Variants in UBA6 observed in about 807,000 individuals in gnomAD.
UBA6 encodes the protein ubiquitin like modifier activating enzyme 6.
Under a neutral mutation model 148.3 loss-of-function variants are expected in UBA6, and 87 were observed. That is an observed-to-expected ratio of 0.59 (90% CI 0.49 to 0.70). The LOEUF is 0.70. Ranked by LOEUF, UBA6 falls within the 30% of genes least tolerant of loss-of-function variation. UBA6 has a pLI of 0.00. For missense variants in UBA6, 1,186 were observed against 1,241.2 expected, an observed-to-expected ratio of 0.96 and a Z score of 0.67; for synonymous variants, 376 against 401.0, an observed-to-expected ratio of 0.94 and a Z score of 0.75.
chr4:67,650,105 T>A lies in UBA6; in HGVS notation c.1105-894A>T, dbSNP rs193047674. 6.2e-4 allele frequency among the ~76,000 whole-genome samples: 95 copies of A among 152,266 alleles called. 5 individuals carry two copies. In the East Asian group the frequency reaches 7.9e-3, roughly 13 times the overall value. ...GAGCACTAGCCTCAACCAAGATCAA[T>A]TACAATTTAAATTCTGCAATTTTTG... On this transcript the variant is annotated intron_variant, in intron 13 of 32. Coordinates refer to ENST00000322244, the MANE Select transcript of UBA6 (RefSeq NM_018227.6).
intron 19 of UBA6, 51 bp from the exon 20 acceptor site, chr4:67,635,609 T>G (rs1444225911): frequency 1.8e-6 from 2 of 1,125,592 alleles, no homozygotes; most frequent in South Asian, 2.5e-5. Context: ...AATAACAATG[T>G]AACCAAAGGA....
chr4:67,650,480 A>G (rs1729527449), intron 13 of UBA6, among the ~76,000 whole-genome samples: 1 of 152,176 alleles, frequency 6.6e-6, no homozygotes, highest in East Asian at 1.9e-4. Flanking sequence ...CATAGGATAA[A>G]GACGGCAGCC....
At chr4:67,631,453 G>A (rs541946421) in intron 25 of UBA6, among the ~76,000 whole-genome samples, 5 of 152,226 alleles carry the variant, frequency 3.3e-5, no homozygotes, top group African/African-American at 1.2e-4. Context: ...TAAAAAAGGT[G>A]ATTTTGGTTT....
At position 67,682,113 on chromosome 4, in the gene UBA6, G is replaced by T; in HGVS notation, c.229+6C>A. On this transcript the variant is annotated splice_donor_region_variant and intron_variant, in intron 3 of 32. Transcript: ENST00000322244. ...GTCAAAAATTAGGAATATAAATATTGCTTACCAATTTCCAAACCAAGACCA... is the reference window on the plus strand; with the variant it reads ...GTCAAAAATTAGGAATATAAATATTTCTTACCAATTTCCAAACCAAGACCA... 3 of 1,606,702 alleles carry T rather than the reference G, an allele frequency of 1.9e-6. No homozygotes were observed. The highest frequency in any genetic ancestry group is 2.6e-6 in the Non-Finnish European group (3 of 1,173,606).
chr4:67,618,948 A>G lies in UBA6; in HGVS notation c.*49T>C. The G allele has an allele frequency of 3.2e-6, 5 of 1,579,192 alleles. No individual in the cohort carries two copies. Among genetic ancestry groups the G allele is most frequent in the Non-Finnish European group, 4.3e-6 (5 of 1,161,012 alleles). ...TTTCTTTAGCTTCTGAATTAAGTGCACTCTTTCCAAAATCAAGTGGTCCTG... is the reference window on the plus strand; with the variant it reads ...TTTCTTTAGCTTCTGAATTAAGTGCGCTCTTTCCAAAATCAAGTGGTCCTG... On this transcript the variant is annotated 3_prime_UTR_variant, in exon 33 of 33. Transcript: ENST00000322244.
chr4:67,634,804 AT>A (rs1444460582), intron 20 of UBA6, among the ~76,000 whole-genome samples: 1 of 152,046 alleles, frequency 6.6e-6, no homozygotes, highest in Non-Finnish European at 1.5e-5. Flanking sequence ...TCTATAAATC[AT>A]TTTTTTCCTC....
chr4:67,692,621 T>G (rs1276571166), intron 2 of UBA6, among the ~76,000 whole-genome samples: 1 of 152,118 alleles, frequency 6.6e-6, no homozygotes, highest in Non-Finnish European at 1.5e-5. Context: ...AGCAAGAACT[T>G]TTAAAGTTCT....
At chr4:67,639,288 C>T (rs935655018) in intron 18 of UBA6, among the ~76,000 whole-genome samples, 164 bp from the exon 19 acceptor site, 2 of 152,038 alleles carry the variant, frequency 1.3e-5, no homozygotes, top group Non-Finnish European at 2.9e-5. Flanking sequence ...GTAGAAATTA[C>T]ATTCACTGTA....
At chr4:67,691,811 A>G (rs1432283072) in intron 2 of UBA6, among the ~76,000 whole-genome samples, 1 of 149,620 alleles carries the variant, frequency 6.7e-6, no homozygotes, top group Non-Finnish European at 1.5e-5. Flanking sequence ...AAAAAAAAGA[A>G]AAGCCATCAT....
chr4:67,695,791 T>A (rs1730818411), intron 2 of UBA6, among the ~76,000 whole-genome samples: 1 of 152,166 alleles, frequency 6.6e-6, no homozygotes, highest in African/African-American at 2.4e-5. Flanking sequence ...TAGTCTTCTA[T>A]CTCTTTTCCC....
chr4:67,663,981 G>A lies in UBA6; in HGVS notation c.898-34C>T, dbSNP rs746599349. The A allele has an allele frequency of 2.6e-6, 4 of 1,542,444 alleles. No individual in the cohort carries two copies. The Admixed American group carries it at 7.0e-5, about 27-fold the overall frequency. ...AAGGAAAAAGTCATTACTTCAGAGT[G>A]AGTGAGTGATTATTTGACAAAATAT... On this transcript the variant is annotated intron_variant, in intron 10 of 32. Coordinates refer to ENST00000322244, the MANE Select transcript of UBA6 (RefSeq NM_018227.6).
chr4:67,659,896 A>T (rs949194874), intron 13 of UBA6, among the ~76,000 whole-genome samples: 1 of 152,148 alleles, frequency 6.6e-6, no homozygotes, highest in Non-Finnish European at 1.5e-5. Context: ...GGAGACGAGG[A>T]ACCTGTTGGG....
chr4:67,622,804 T>C lies in UBA6; in HGVS notation c.3023+27A>G, dbSNP rs764615956. 3 of 1,500,808 alleles carry C rather than the reference T, an allele frequency of 2.0e-6. No individual in the cohort carries two copies. The South Asian group carries it at 3.6e-5, about 18-fold the overall frequency. The allele number at this position is 1,500,808 out of a possible 1,614,324, so 93.0% of individuals were successfully genotyped here. A position where few individuals can be genotyped will look rare whatever the true frequency, so the allele number is the denominator to read the frequency against. On this transcript the variant is annotated intron_variant, in intron 32 of 32. Coordinates refer to ENST00000322244, the MANE Select transcript of UBA6 (RefSeq NM_018227.6). ...CAACTTACATTTAAATTCTTGTTAA[T>C]CGCTGCATATAATGTTGAATACTTA...
chr4:67,653,368 C>T (rs1163056607), intron 13 of UBA6, among the ~76,000 whole-genome samples: 2 of 152,186 alleles, frequency 1.3e-5, no homozygotes, highest in African/African-American at 4.8e-5. Flanking sequence ...TTTGCAGCCT[C>T]CGCTGGTGAT....
intron 19 of UBA6, 119 bp downstream of exon 19, chr4:67,638,824 T>C: frequency 1.5e-6 from 1 of 670,852 alleles, no homozygotes; most frequent in Non-Finnish European, 2.5e-6. Context: ...GTTTGAGGAG[T>C]ACTACAATAG....
intron 32 of UBA6, 114 bp downstream of exon 32, chr4:67,622,717 G>T: frequency 1.4e-6 from 1 of 731,832 alleles, no homozygotes; most frequent in Non-Finnish European, 2.2e-6. Context: ...AATGTCATTA[G>T]ACAAGACTAA....
chr4:67,691,149 C>CTCA (rs745667322), intron 2 of UBA6, among the ~76,000 whole-genome samples: 1 of 151,684 alleles, frequency 6.6e-6, no homozygotes, highest in Non-Finnish European at 1.5e-5. Flanking sequence ...TTGAAAAAAA[C>CTCA]TCACGGATGA....
intron 23 of UBA6, 23 bp downstream of exon 23, chr4:67,633,322 A>G: frequency 6.4e-7 from 1 of 1,552,826 alleles, no homozygotes; most frequent in Non-Finnish European, 8.6e-7. Context: ...ACCTTTTCTT[A>G]ATGTCTCACA....
chr4:67,627,941 T>C (rs1728908513), intron 27 of UBA6, among the ~76,000 whole-genome samples: 1 of 148,408 alleles, frequency 6.7e-6, no homozygotes, highest in African/African-American at 2.5e-5. Context: ...CTATTGCTTT[T>C]TTTTTTTTTT....
Sources: gnomAD v4.1 joint callset for allele counts (sites outside exome capture counted in the v4.1 genomes callset) on GRCh38, gnomAD v4.1.1 for gene constraint, MANE v1.5 for transcripts, NCBI Gene and HGNC (gene_info 2026-07-23, HGNC 2026-07-21) for gene names.